GRIK2: variants seen among roughly 807,000 people sequenced by gnomAD.
GRIK2 encodes the protein glutamate ionotropic receptor kainate type subunit 2, also known as glutamate receptor ionotropic, kainate 2.
In GRIK2, 32 loss-of-function variants were observed where a neutral mutation model predicts 100.3. That is an observed-to-expected ratio of 0.32 (90% CI 0.24 to 0.43). The LOEUF (loss-of-function observed/expected upper bound fraction) is 0.43, where lower values mean the gene tolerates loss of function less well. Among genes scored for constraint, GRIK2 ranks in the 20% least tolerant of loss-of-function variants. The pLI, the probability that GRIK2 is intolerant of heterozygous loss-of-function variation, is 1.00. For missense variants in GRIK2, 843 were observed against 1,114.9 expected, an observed-to-expected ratio of 0.76 and a Z score of 3.47; for synonymous variants, 417 against 389.4, an observed-to-expected ratio of 1.07 and a Z score of -0.83.
chr6:101,933,140 C>T (rs897091820), intron 14 of GRIK2, among the ~76,000 whole-genome samples: 36 of 151,956 alleles, frequency 2.4e-4, no homozygotes, highest in African/African-American at 8.0e-4. Flanking sequence ...TAAGGCATCA[C>T]GCTTAATTTG....
In GRIK2 at chr6:101,847,832, C is replaced by T. The variant is rs144252512; in HGVS notation, c.1318-11455C>T. Reference sequence around the variant, plus strand: ...GAGCTTGTCCCAGCTCTTAGTGCCCCCAAGTATTTCCTCCCTAGTCTTTCT... The same window carrying T: ...GAGCTTGTCCCAGCTCTTAGTGCCCTCAAGTATTTCCTCCCTAGTCTTTCT... On this transcript the variant is annotated intron_variant, in intron 10 of 16. Coordinates refer to ENST00000369134, the MANE Select transcript of GRIK2 (RefSeq NM_021956.5). Among the ~76,000 whole-genome samples, 221 of 152,118 alleles carry T rather than the reference C, an allele frequency of 1.5e-3. 1 individual carries two copies. The highest frequency in any genetic ancestry group is 5.1e-3 in the African/African-American group (210 of 41,512).
intron 9 of GRIK2, among the ~76,000 whole-genome samples, chr6:101,812,971 C>T (rs1042957093): frequency 1.3e-5 from 2 of 151,698 alleles, no homozygotes; most frequent in Non-Finnish European, 2.9e-5. Flanking sequence ...CATTGTTTCT[C>T]TCTCTTTCTA....
intron 2 of GRIK2, among the ~76,000 whole-genome samples, chr6:101,593,846 T>G (rs970005112): frequency 1.3e-5 from 2 of 151,884 alleles, no homozygotes; most frequent in African/African-American, 4.8e-5. Context: ...TTTTTTCTCA[T>G]GCTATTGGAA....
intron 4 of GRIK2, among the ~76,000 whole-genome samples, chr6:101,660,128 T>C (rs1487240764): frequency 6.6e-6 from 1 of 152,166 alleles, no homozygotes; most frequent in Non-Finnish European, 1.5e-5. Flanking sequence ...TAAGTTTGGT[T>C]TTCTCACATT....
chr6:101,754,282 G>A (rs1251921100), intron 7 of GRIK2, among the ~76,000 whole-genome samples: 14 of 152,148 alleles, frequency 9.2e-5, no homozygotes, highest in Admixed American at 9.2e-4. Flanking sequence ...ATCTTAATTT[G>A]TATCAAAGTA....
At chr6:101,945,058 C>T (rs1791188714) in intron 14 of GRIK2, among the ~76,000 whole-genome samples, 1 of 152,006 alleles carries the variant, frequency 6.6e-6, no homozygotes, top group Non-Finnish European at 1.5e-5. Flanking sequence ...GAAAGATGAA[C>T]AAGTTTTACC....
chr6:101,829,653 A>C (rs1782552637), intron 10 of GRIK2, among the ~76,000 whole-genome samples: 1 of 151,968 alleles, frequency 6.6e-6, no homozygotes, highest in Non-Finnish European at 1.5e-5. Flanking sequence ...AATAGCCATA[A>C]AAATATAAAG....
intron 11 of GRIK2, among the ~76,000 whole-genome samples, chr6:101,866,532 A>G (rs1443196756): frequency 6.6e-6 from 1 of 152,196 alleles, no homozygotes; most frequent in African/African-American, 2.4e-5. Flanking sequence ...TTCATTAGAT[A>G]TTAAAAAGAT....
chr6:101,773,792 A>G lies in GRIK2; in HGVS notation c.952-25856A>G, dbSNP rs2128398716. Among the ~76,000 whole-genome samples, 2 of 152,274 alleles carry G rather than the reference A, an allele frequency of 1.3e-5. 1 individual carries two copies. Among genetic ancestry groups the G allele is most frequent in the Admixed American group, 1.3e-4 (2 of 15,288 alleles). On this transcript the variant is annotated intron_variant, in intron 7 of 16. Coordinates refer to ENST00000369134, the MANE Select transcript of GRIK2 (RefSeq NM_021956.5). ...CTTAAAGGTGAGGAAAATGAAGCTA[A>G]GAAAGATAACATGACTTCCCATTGC...
In GRIK2 at chr6:101,865,703, A is replaced by G. The variant is rs544724532; in HGVS notation, c.1524+6210A>G. 3.3e-5 allele frequency among the ~76,000 whole-genome samples: 5 copies of G among 152,050 alleles called. No individual in the cohort carries two copies. In the South Asian group the frequency reaches 8.3e-4, roughly 25 times the overall value. ...GGAGTTCAAGACCAGCCTGGCCAAC[A>G]TGGTGAAAACCCGTCTCTACTAAAA... On this transcript the variant is annotated intron_variant, in intron 11 of 16. Transcript: ENST00000369134.
At chr6:101,886,843 T>TG (rs1390484793) in intron 11 of GRIK2, among the ~76,000 whole-genome samples, 2 of 65,832 alleles carry the variant, frequency 3.0e-5, no homozygotes, top group African/African-American at 9.2e-5. Context: ...TTTTTTTTTT[T>TG]GGAGACAGAG....
chr6:101,558,799 T>A (rs12204255), intron 2 of GRIK2, among the ~76,000 whole-genome samples: 5,722 of 152,194 alleles, frequency 0.038, 161 homozygotes, highest in Non-Finnish European at 0.054. Flanking sequence ...AACCATTATA[T>A]TTTGCACATT....
intron 2 of GRIK2, among the ~76,000 whole-genome samples, chr6:101,486,394 G>GGA (rs893163683): frequency 1.9e-4 from 26 of 139,634 alleles, no homozygotes; most frequent in African/African-American, 6.4e-4. Context: ...GGTGGGGCGG[G>GGA]GGGGGGAAGC....
At chr6:101,777,114 G>C (rs1434014868) in intron 7 of GRIK2, among the ~76,000 whole-genome samples, 1 of 152,208 alleles carries the variant, frequency 6.6e-6, no homozygotes, top group Non-Finnish European at 1.5e-5. Context: ...CTCTGTTTCA[G>C]AGTAATACAA....
chr6:101,943,290 A>C (rs558391327), intron 14 of GRIK2, among the ~76,000 whole-genome samples: 1 of 152,324 alleles, frequency 6.6e-6, no homozygotes, highest in Non-Finnish European at 1.5e-5. Flanking sequence ...CTGTCCAGGC[A>C]GAAATTTGCT....
Position 101,924,738 on chromosome 6 carries a change from T to C in GRIK2, c.1867+19T>C. 6.9e-7 allele frequency: 1 copy of C among 1,452,594 alleles called. No individual in the cohort carries two copies. Among genetic ancestry groups the C allele is most frequent in the Non-Finnish European group, 9.7e-7 (1 of 1,032,582 alleles). The allele number at this position is 1,452,594 out of a possible 1,614,324, so 90.0% of individuals were successfully genotyped here. On this transcript the variant is annotated intron_variant, in intron 13 of 16. Transcript: ENST00000369134. ...CAGCAAGGTATACGATTCAGCCTGC[T>C]ATTTCCTTTGGGCACCATGTCCCAC...
chr6:101,510,812 A>G (rs1446903373), intron 2 of GRIK2, among the ~76,000 whole-genome samples: 1 of 151,668 alleles, frequency 6.6e-6, no homozygotes, highest in Non-Finnish European at 1.5e-5. Context: ...ATGAGCCACC[A>G]TGTCTGGCCA....
At chr6:101,914,360 C>A (rs1401781131) in intron 12 of GRIK2, among the ~76,000 whole-genome samples, 1 of 151,236 alleles carries the variant, frequency 6.6e-6, no homozygotes, top group Non-Finnish European at 1.5e-5. Context: ...AGCATTACCC[C>A]CAGTTACATC....
intron 10 of GRIK2, among the ~76,000 whole-genome samples, chr6:101,840,988 CTAAAA>C (rs71784930): frequency 0.058 from 8,821 of 152,144 alleles, 276 homozygotes; most frequent in African/African-American, 0.064. Flanking sequence ...GCCAAAGGCA[CTAAAA>C]TATTTATTTT....
Sources: allele counts gnomAD v4.1 joint callset (sites outside exome capture counted in the v4.1 genomes callset), GRCh38; gene constraint gnomAD v4.1.1; transcripts MANE v1.5; gene names NCBI Gene and HGNC (gene_info 2026-07-23, HGNC 2026-07-21).